The following GSE1 variants were observed in gnomAD, a reference collection of about 807,000 sequenced individuals.
GSE1 encodes genetic suppressor element 1.
A neutral mutation model predicts 112.6 loss-of-function variants in GSE1; 32 were observed. The ratio of observed to expected loss-of-function variants is 0.28; its 90% confidence interval spans 0.21 to 0.38. GSE1 has a LOEUF of 0.38. GSE1 is among the 10% of genes least tolerant of loss of function. The probability of loss-of-function intolerance (pLI) is 1.00; values close to 1 mark genes in which losing one functional copy is unlikely to be tolerated. For missense variants in GSE1, 2,348 were observed against 1,699.2 expected (o/e 1.38, Z -6.71); for synonymous variants, 1,115 against 735.6 (o/e 1.52, Z -8.35).
intron 1 of GSE1, among the ~76,000 whole-genome samples, chr16:85,336,067 C>A (rs368642563): frequency 6.6e-6 from 1 of 152,102 alleles, no homozygotes; most frequent in Admixed American, 6.5e-5. Context: ...AGGAACAGGG[C>A]GTGGAGGCTG....
At chr16:85,567,328 C>A (rs1010598298) in intron 1 of GSE1, among the ~76,000 whole-genome samples, 1 of 152,158 alleles carries the variant, frequency 6.6e-6, no homozygotes. Context: ...GTTGGAAATT[C>A]AGAAAGGGTG....
chr16:85,460,384 C>T (rs935991516), intron 2 of GSE1, among the ~76,000 whole-genome samples: 1 of 152,196 alleles, frequency 6.6e-6, no homozygotes, highest in African/African-American at 2.4e-5. Flanking sequence ...CGAATTGTCC[C>T]GTCGAGCAGG....
intron 2 of GSE1, among the ~76,000 whole-genome samples, chr16:85,496,730 G>T (rs913894644): frequency 6.6e-6 from 1 of 152,208 alleles, no homozygotes; most frequent in Non-Finnish European, 1.5e-5. Flanking sequence ...GTGATGGTCG[G>T]GGGTGCACGA....
chr16:85,616,068 A>G (rs2048351968), intron 1 of GSE1, among the ~76,000 whole-genome samples: 1 of 152,248 alleles, frequency 6.6e-6, no homozygotes, highest in African/African-American at 2.4e-5. Context: ...GCAGAAGCCA[A>G]GCCTGCCTGT....
chr16:85,612,414 C>A (rs1339694977), upstream of GSE1, among the ~76,000 whole-genome samples: 1 of 152,096 alleles, frequency 6.6e-6, no homozygotes, highest in Non-Finnish European at 1.5e-5. Flanking sequence ...TGGGGAGGCG[C>A]TGCGCTGGGG....
At chr16:85,302,675 T>C (rs2151463828) in intron 1 of GSE1, among the ~76,000 whole-genome samples, 1 of 152,290 alleles carries the variant, frequency 6.6e-6, no homozygotes, top group African/African-American at 2.4e-5. Flanking sequence ...AAGAGCTGAT[T>C]GGGCCCAGGA....
At chr16:85,382,877 A>G (rs2047583708) in intron 2 of GSE1, among the ~76,000 whole-genome samples, 2 of 149,368 alleles carry the variant, frequency 1.3e-5, no homozygotes, top group African/African-American at 5.1e-5. Flanking sequence ...ACACATGCAC[A>G]CACACCGTGC....
intron 2 of GSE1, among the ~76,000 whole-genome samples, chr16:85,365,598 C>G (rs2047169295): frequency 1.3e-5 from 2 of 152,142 alleles, no homozygotes; most frequent in Admixed American, 6.5e-5. Flanking sequence ...GTAGATGGAA[C>G]CACAGGGCCG....
intron 1 of GSE1, among the ~76,000 whole-genome samples, chr16:85,316,352 G>A (rs778783234): frequency 6.6e-6 from 1 of 152,182 alleles, no homozygotes; most frequent in Non-Finnish European, 1.5e-5. Flanking sequence ...TCAGAATCCG[G>A]TGTGTCTGCT....
chr16:85,666,528 C>T, intron 13 of GSE1, 181 bp downstream of exon 13: 1 of 645,544 alleles, frequency 1.5e-6, no homozygotes, highest in Non-Finnish European at 2.7e-6. Flanking sequence ...TCTCCAAGCT[C>T]TAAAACCTGA....
intron 2 of GSE1, among the ~76,000 whole-genome samples, chr16:85,365,017 G>C (rs963219514): frequency 9.9e-5 from 15 of 152,204 alleles, no homozygotes; most frequent in Admixed American, 2.6e-4. Context: ...CCTGTCCTCA[G>C]GCCCCTGCAG....
chr16:85,197,819 C>T (rs916661664), intron 1 of GSE1, among the ~76,000 whole-genome samples: 15 of 152,190 alleles, frequency 9.9e-5, no homozygotes, highest in Admixed American at 6.5e-5. Flanking sequence ...GAATCCGAGG[C>T]CTGGAGCAGA....
At chr16:85,563,515 A>G (rs1598196751) in intron 1 of GSE1, among the ~76,000 whole-genome samples, 1 of 151,998 alleles carries the variant, frequency 6.6e-6, no homozygotes, top group African/African-American at 2.4e-5. Context: ...GGATTGCGGG[A>G]GTAGGGCACT....
intron 1 of GSE1, among the ~76,000 whole-genome samples, chr16:85,264,797 G>T (rs1282657177): frequency 6.6e-6 from 1 of 152,202 alleles, no homozygotes; most frequent in East Asian, 1.9e-4. Context: ...TGTCAGGTGT[G>T]TGTAGAGTGT....
At chr16:85,478,912 TTTCTTTCTTTCTTTC>T in intron 2 of GSE1, among the ~76,000 whole-genome samples, 1 of 64,290 alleles carries the variant, frequency 1.6e-5, no homozygotes, top group African/African-American at 8.9e-5. Context: ...TCTTTCTTTC[TTTCTTTCTTTCTTTC>T]TCTTTCTTTC....
At chr16:85,434,088 C>G (rs1048804160) in intron 2 of GSE1, among the ~76,000 whole-genome samples, 8 of 152,126 alleles carry the variant, frequency 5.3e-5, no homozygotes, top group Admixed American at 3.3e-4. Flanking sequence ...TCTCCAGTAT[C>G]AAAGTCTGAA....
chr16:85,189,114 C>T (rs912307327), intron 1 of GSE1, among the ~76,000 whole-genome samples: 3 of 152,216 alleles, frequency 2.0e-5, no homozygotes, highest in African/African-American at 7.2e-5. Flanking sequence ...TAAGTCTTGA[C>T]ACATGCTCTT....
chr16:85,553,237 G>A (rs1419333381), upstream of GSE1, among the ~76,000 whole-genome samples: 1 of 149,280 alleles, frequency 6.7e-6, no homozygotes, highest in African/African-American at 2.4e-5. Flanking sequence ...CGGGGCGCGC[G>A]GGGTGGGGGC....
chr16:85,283,934 C>T (rs1182367288), intron 1 of GSE1, among the ~76,000 whole-genome samples: 1 of 152,232 alleles, frequency 6.6e-6, no homozygotes, highest in African/African-American at 2.4e-5. Context: ...CACCACGTCT[C>T]CCTCCTGCCC....
Sources: gnomAD v4.1 joint callset for allele counts (sites outside exome capture counted in the v4.1 genomes callset) on GRCh38, gnomAD v4.1.1 for gene constraint, MANE v1.5 for transcripts, NCBI Gene and HGNC (gene_info 2026-07-23, HGNC 2026-07-21) for gene names.